Variants in GASK1A observed in about 807,000 individuals in gnomAD.
GASK1A encodes golgi associated kinase 1A, also known as Golgi-associated kinase 1A.
Under a neutral mutation model 41.2 loss-of-function variants are expected in GASK1A, and 40 were observed. That is an observed-to-expected ratio of 0.97 (90% CI 0.75 to 1.27). The LOEUF is 1.27. Among genes scored for constraint, GASK1A ranks in the 50% most tolerant of loss-of-function variants. The pLI is 0.00. For missense variants in GASK1A, 678 were observed against 745.1 expected, an observed-to-expected ratio of 0.91 and a Z score of 1.05; for synonymous variants, 316 against 307.1, an observed-to-expected ratio of 1.03 and a Z score of -0.30.
intron 1 of GASK1A, among the ~76,000 whole-genome samples, chr3:42,991,883 G>A (rs2089342704): frequency 6.6e-6 from 1 of 152,186 alleles, no homozygotes; most frequent in African/African-American, 2.4e-5. Context: ...TGGCAGGGTT[G>A]CTTCCTGGAT....
chr3:43,016,090 T>C (rs1049273777), intron 1 of GASK1A, among the ~76,000 whole-genome samples: 1 of 151,238 alleles, frequency 6.6e-6, no homozygotes, highest in African/African-American at 2.4e-5. Context: ...GAAGTGGCAA[T>C]GTGAGGTCAC....
At position 43,032,511 on chromosome 3, in the gene GASK1A, T is replaced by A; in HGVS notation, c.248T>A (p.Leu83Ter). 1 of 1,549,818 alleles carries A rather than the reference T, an allele frequency of 6.5e-7. No individual in the cohort carries two copies. Among genetic ancestry groups the A allele is most frequent in the Non-Finnish European group, 8.7e-7 (1 of 1,145,430 alleles). Reference protein sequence around the residue: ...RNMGFWRSRALPRNSILVCAE... With the variant: ...RNMGFWRSRA Reference sequence around the variant, plus strand: ...ATGGGCTTCTGGAGAAGCCGTGCTTTGCCCAGGAACTCCATCTTGGTCTGT... The same window carrying A: ...ATGGGCTTCTGGAGAAGCCGTGCTTAGCCCAGGAACTCCATCTTGGTCTGT... Residue 83 changes from leucine (L) to a stop codon, truncating the protein, a stop_gained, in exon 2 of 5, where the codon TTG becomes TAG. Coordinates refer to ENST00000430121, the MANE Select transcript of GASK1A (RefSeq NM_001129908.3). LOFTEE classifies it high-confidence loss of function.
intron 1 of GASK1A, among the ~76,000 whole-genome samples, chr3:42,983,161 A>G (rs1231587395): frequency 6.6e-6 from 1 of 152,138 alleles, no homozygotes; most frequent in African/African-American, 2.4e-5. Flanking sequence ...GTGCTGGGCT[A>G]GGTCACCGTG....
rs181439795 is a variant in GASK1A, at chr3:43,003,809, A to G, written c.3+24164A>G. 1.4e-3 allele frequency among the ~76,000 whole-genome samples: 207 copies of G among 152,306 alleles called. 1 individual carries two copies. The highest frequency in any genetic ancestry group is 1.5e-3 in the East Asian group (8 of 5,194). On this transcript the variant is annotated intron_variant, in intron 1 of 4. Coordinates refer to ENST00000430121, the MANE Select transcript of GASK1A (RefSeq NM_001129908.3). ...CATGCTTCTAATTTGTAAATAGTGG[A>G]AAAAAATGGTTTGTAAATATTGGAA...
At chr3:43,027,850 G>A (rs2089553528) in intron 1 of GASK1A, among the ~76,000 whole-genome samples, 1 of 152,196 alleles carries the variant, frequency 6.6e-6, no homozygotes, top group Admixed American at 6.5e-5. Flanking sequence ...AAATATGAGT[G>A]ACCAATGGCC....
Position 42,979,640 on chromosome 3 carries a change from G to C in GASK1A, c.-3G>C. On this transcript the variant is annotated 5_prime_UTR_variant, in exon 1 of 5. Coordinates refer to ENST00000430121, the MANE Select transcript of GASK1A (RefSeq NM_001129908.3). ...AGGAGCCGGCCGGGGCACCGCCGGG[G>C]ACATGGTAGGACTCGCGGGAAGGAA... 1 of 1,244,976 alleles carries C rather than the reference G, an allele frequency of 8.0e-7. No homozygotes were observed. The highest frequency in any genetic ancestry group is 1.0e-6 in the Non-Finnish European group (1 of 987,684). 77.1% of individuals were successfully genotyped at this position (1,244,976 alleles called of 1,614,324 possible). A position where few individuals can be genotyped will look rare whatever the true frequency, so the allele number is the denominator to read the frequency against.
chr3:43,041,230 A>G (rs2089635643), intron 2 of GASK1A, among the ~76,000 whole-genome samples: 1 of 151,882 alleles, frequency 6.6e-6, no homozygotes, highest in South Asian at 2.1e-4. Context: ...AGTCCTTTGG[A>G]TATATACCCA....
At chr3:43,012,031 G>A (rs1206787765) in intron 1 of GASK1A, among the ~76,000 whole-genome samples, 2 of 151,890 alleles carry the variant, frequency 1.3e-5, no homozygotes, top group Admixed American at 6.6e-5. Context: ...CCAAAGGAAG[G>A]GGCAATGTGA....
intron 3 of GASK1A, chr3:43,053,961 C>A: frequency 2.4e-6 from 1 of 416,212 alleles, no homozygotes; most frequent in African/African-American, 2.0e-5. Flanking sequence ...AATGGTGTGT[C>A]TAGTCAACAT....
chr3:43,019,486 C>G (rs1290663430), intron 1 of GASK1A, among the ~76,000 whole-genome samples: 2 of 152,220 alleles, frequency 1.3e-5, no homozygotes, highest in Non-Finnish European at 2.9e-5. Flanking sequence ...CCTCCTAGGA[C>G]TGGGACATGT....
intron 2 of GASK1A, among the ~76,000 whole-genome samples, chr3:43,048,329 T>C (rs1247263283): frequency 2.0e-5 from 3 of 152,184 alleles, no homozygotes; most frequent in African/African-American, 7.2e-5. Flanking sequence ...TACTAAAGTA[T>C]GATAAGAATA....
chr3:43,009,114 C>G (rs1575439938), intron 1 of GASK1A, among the ~76,000 whole-genome samples: 2 of 152,282 alleles, frequency 1.3e-5, no homozygotes, highest in East Asian at 3.9e-4. Flanking sequence ...CATTTTCATA[C>G]TCATTTTTCA....
intron 1 of GASK1A, among the ~76,000 whole-genome samples, chr3:42,997,609 G>C (rs553419942): frequency 6.6e-6 from 1 of 152,168 alleles, no homozygotes; most frequent in Non-Finnish European, 1.5e-5. Flanking sequence ...TGGAATAACA[G>C]CTGCACAATG....
chr3:43,031,775 C>G (rs2089577223), intron 1 of GASK1A, among the ~76,000 whole-genome samples: 1 of 152,194 alleles, frequency 6.6e-6, no homozygotes, highest in South Asian at 2.1e-4. Flanking sequence ...CATGGTCACA[C>G]CCTGTTGCTA....
At chr3:42,988,871 C>T (rs1410788636) in intron 1 of GASK1A, among the ~76,000 whole-genome samples, 2 of 152,314 alleles carry the variant, frequency 1.3e-5, no homozygotes, top group East Asian at 3.9e-4. Flanking sequence ...AGGACAAACC[C>T]AATGGTTCCA....
intron 1 of GASK1A, among the ~76,000 whole-genome samples, chr3:42,999,503 C>G (rs1258247889): frequency 2.0e-5 from 3 of 152,232 alleles, no homozygotes; most frequent in African/African-American, 4.8e-5. Context: ...GTGGCTGGCT[C>G]TCTCGCAGCC....
intron 2 of GASK1A, among the ~76,000 whole-genome samples, chr3:43,041,028 T>C (rs1440207115): frequency 2.0e-5 from 3 of 150,678 alleles, no homozygotes; most frequent in African/African-American, 7.3e-5. Flanking sequence ...TCCAATTTCA[T>C]CCATGTCCCT....
rs1447117894 is a variant in GASK1A at position 42,979,582 on chromosome 3, C to A, written c.-61C>A. ...GGCGCCGGGGGCGGCCAAGGGGAGGCGGGATGAGTCTGCGAGCCGGCTGAG... is the reference window on the plus strand; with the variant it reads ...GGCGCCGGGGGCGGCCAAGGGGAGGAGGGATGAGTCTGCGAGCCGGCTGAG... On this transcript the variant is annotated 5_prime_UTR_variant, in exon 1 of 5. Coordinates refer to ENST00000430121, the MANE Select transcript of GASK1A (RefSeq NM_001129908.3). 8.1e-7 allele frequency: 1 copy of A among 1,238,688 alleles called. No homozygotes were observed. The highest frequency in any genetic ancestry group is 1.0e-6 in the Non-Finnish European group (1 of 987,216). The allele number at this position is 1,238,688 out of a possible 1,614,324, so 76.7% of individuals were successfully genotyped here. A position where few individuals can be genotyped will look rare whatever the true frequency, so the allele number is the denominator to read the frequency against.
chr3:43,055,565 C>A, intron 4 of GASK1A, 30 bp downstream of exon 4: 4 of 1,485,500 alleles, frequency 2.7e-6, no homozygotes, highest in Non-Finnish European at 9.2e-7. Context: ...GGTGGAAGTT[C>A]ATGGGACTGA....
Sources: gnomAD v4.1 joint callset for allele counts (sites outside exome capture counted in the v4.1 genomes callset) on GRCh38, gnomAD v4.1.1 for gene constraint, MANE v1.5 for transcripts, NCBI Gene and HGNC (gene_info 2026-07-23, HGNC 2026-07-21) for gene names.